Variants in IL15 observed in about 807,000 individuals in gnomAD.
IL15 encodes the protein interleukin 15.
A neutral mutation model predicts 19.6 loss-of-function variants in IL15; 11 were observed. That is an observed-to-expected ratio of 0.56 (90% CI 0.35 to 0.93). The LOEUF (loss-of-function observed/expected upper bound fraction) is 0.93, where lower values mean the gene tolerates loss of function less well. Among genes scored for constraint, IL15 ranks in the 40% least tolerant of loss-of-function variants. The pLI, the probability that IL15 is intolerant of heterozygous loss-of-function variation, is 0.01. For missense variants in IL15, 197 were observed against 186.5 expected, an observed-to-expected ratio of 1.06 and a Z score of -0.33; for synonymous variants, 58 against 59.6, an observed-to-expected ratio of 0.97 and a Z score of 0.12.
intron 4 of IL15, chr4:141,721,129 T>G: frequency 3.3e-6 from 5 of 1,515,494 alleles, no homozygotes; most frequent in Non-Finnish European, 3.6e-6. Flanking sequence ...TCAGTTCAGT[T>G]TTACTCTACT....
chr4:141,638,971 G>T (rs1259277634), intron 1 of IL15, among the ~76,000 whole-genome samples: 2 of 152,108 alleles, frequency 1.3e-5, no homozygotes, highest in African/African-American at 4.8e-5. Flanking sequence ...TTTTCTGAAG[G>T]TTAGCTGATC....
intron 2 of IL15, among the ~76,000 whole-genome samples, chr4:141,672,715 A>T (rs1486651324): frequency 6.6e-6 from 1 of 152,246 alleles, no homozygotes; most frequent in Non-Finnish European, 1.5e-5. Flanking sequence ...ACGTAAAAGC[A>T]TTATAACAAA....
chr4:141,731,524 A>G (rs907936027), intron 7 of IL15, among the ~76,000 whole-genome samples: 1 of 152,240 alleles, frequency 6.6e-6, no homozygotes, highest in African/African-American at 2.4e-5. Context: ...GGCAAAATAA[A>G]TGATGAGCTC....
chr4:141,644,840 A>G, intron 1 of IL15, among the ~76,000 whole-genome samples: 1 of 152,188 alleles, frequency 6.6e-6, no homozygotes, highest in East Asian at 1.9e-4. Context: ...AGTCCATAGC[A>G]AGTCTAAATA....
At chr4:141,667,307 G>A (rs1301081611) in intron 2 of IL15, among the ~76,000 whole-genome samples, 1 of 152,166 alleles carries the variant, frequency 6.6e-6, no homozygotes, top group East Asian at 1.9e-4. Flanking sequence ...AGAAGCCCAG[G>A]CAAAATAACC....
chr4:141,706,327 G>T (rs1384137076), intron 2 of IL15, among the ~76,000 whole-genome samples: 1 of 151,960 alleles, frequency 6.6e-6, no homozygotes. Flanking sequence ...AAATACTCCA[G>T]ATGTTTTCTC....
intron 3 of IL15, among the ~76,000 whole-genome samples, chr4:141,719,862 G>A (rs1178867639): frequency 6.6e-6 from 1 of 151,976 alleles, no homozygotes; most frequent in Non-Finnish European, 1.5e-5. Context: ...TAAAAGCTTC[G>A]ACAACACAAA....
rs150717235 is a variant in IL15, at chr4:141,649,001, G to A, written c.-221-7185G>A. The stretch of plus-strand genomic sequence containing the variant: ...ATTCTCTTTAGGAACTTATTGTCTC[G>A]TGGAACAATTATTGTTTGCATGTAA... On this transcript the variant is annotated intron_variant, in intron 1 of 7. Transcript: ENST00000320650. 9.2e-5 allele frequency among the ~76,000 whole-genome samples: 14 copies of A among 152,230 alleles called. No individual in the cohort carries two copies. The East Asian group carries it at 2.1e-3, about 23-fold the overall frequency.
Position 141,713,464 on chromosome 4 carries a change from A to G in IL15, c.-99-5902A>G, listed in dbSNP as rs966456526. On this transcript the variant is annotated intron_variant, in intron 2 of 7. Coordinates refer to ENST00000320650, the MANE Select transcript of IL15 (RefSeq NM_000585.5). ...TATAGCTGCTCTTACACTACAGTGG[A>G]TGAGTTAATCACTGGCAACAAAGTC... is the stretch of plus-strand genomic sequence containing the variant. Among the ~76,000 whole-genome samples the G allele has an allele frequency of 2.0e-5, 3 of 152,228 alleles. No homozygotes were observed. In the East Asian group the frequency reaches 5.8e-4, roughly 29 times the overall value.
chr4:141,690,962 A>G (rs1728889751), intron 2 of IL15, among the ~76,000 whole-genome samples: 1 of 152,154 alleles, frequency 6.6e-6, no homozygotes. Context: ...TTCCTTTAAG[A>G]TGATTTATTT....
chr4:141,732,803 G>A lies in IL15; in HGVS notation c.444G>A (p.Leu148=). The change falls in exon 8 of 8, where the codon TTG becomes TTA. Residue 148 remains leucine (L), a synonymous_variant. Transcript: ENST00000320650. ...AGGAAAAAAATATTAAAGAATTTTT[G>A]CAGAGTTTTGTACATATTGTCCAAA... The part of the protein sequence containing the change: ...ELEEKNIKEF[L]QSFVHIVQMF... 6.2e-7 allele frequency: 1 copy of A among 1,612,662 alleles called. No homozygotes were observed. Among genetic ancestry groups the A allele is most frequent in the Non-Finnish European group, 8.5e-7 (1 of 1,179,586 alleles).
intron 1 of IL15, among the ~76,000 whole-genome samples, chr4:141,651,241 C>T (rs909318827): frequency 6.6e-6 from 1 of 151,614 alleles, no homozygotes; most frequent in East Asian, 1.9e-4. Flanking sequence ...CAATGAAATA[C>T]TATTCAGCCA....
intron 2 of IL15, among the ~76,000 whole-genome samples, chr4:141,706,259 G>A (rs1729511458): frequency 6.6e-6 from 1 of 151,726 alleles, no homozygotes; most frequent in Non-Finnish European, 1.5e-5. Flanking sequence ...TTATTATAAG[G>A]ATAAAGGGTA....
chr4:141,675,232 A>C (rs1402445515), intron 2 of IL15, among the ~76,000 whole-genome samples: 2 of 152,214 alleles, frequency 1.3e-5, no homozygotes, highest in African/African-American at 2.4e-5. Flanking sequence ...TATTCTGGAG[A>C]TACTAGTCTC....
intron 1 of IL15, among the ~76,000 whole-genome samples, chr4:141,646,735 A>G (rs1430491431): frequency 6.6e-6 from 1 of 152,124 alleles, no homozygotes; most frequent in African/African-American, 2.4e-5. Context: ...TTAAGGAGAA[A>G]CTTTCAGTTT....
intron 2 of IL15, among the ~76,000 whole-genome samples, chr4:141,701,283 A>T (rs1294066475): frequency 6.6e-6 from 1 of 150,814 alleles, no homozygotes; most frequent in African/African-American, 2.4e-5. Flanking sequence ...GATGGGACTG[A>T]GGTTTTTTTT....
intron 2 of IL15, among the ~76,000 whole-genome samples, chr4:141,680,727 G>A (rs532405878): frequency 6.6e-6 from 1 of 152,170 alleles, no homozygotes; most frequent in African/African-American, 2.4e-5. Context: ...TCCCTTTTGG[G>A]GCTCAATAGT....
chr4:141,730,649 T>C lies in IL15; in HGVS notation c.378+665T>C, dbSNP rs1730421769. On this transcript the variant is annotated intron_variant, in intron 7 of 7. Transcript: ENST00000320650. ...ATAATCTGGGACATCCCAGGCAACT[T>C]GAGCAGTAGAGGGTTCCAGGAGAGC... Among the ~76,000 whole-genome samples, 3 of 152,132 alleles carry C rather than the reference T, an allele frequency of 2.0e-5. No individual in the cohort carries two copies. In the South Asian group the frequency reaches 6.2e-4, roughly 31 times the overall value.
intron 2 of IL15, among the ~76,000 whole-genome samples, chr4:141,713,390 A>C (rs1262720672): frequency 6.6e-6 from 1 of 152,196 alleles, no homozygotes; most frequent in Non-Finnish European, 1.5e-5. Context: ...TGTTTTTATA[A>C]ATAAAGTTGT....
Sources: gnomAD v4.1 joint callset for allele counts (sites outside exome capture counted in the v4.1 genomes callset) on GRCh38, gnomAD v4.1.1 for gene constraint, MANE v1.5 for transcripts, NCBI Gene and HGNC (gene_info 2026-07-23, HGNC 2026-07-21) for gene names.